Variants in CFAP47 observed in about 807,000 individuals in gnomAD.
CFAP47 encodes the protein cilia- and flagella-associated protein 47.
In CFAP47, 29 loss-of-function variants were observed where a neutral mutation model predicts 148.1. The observed-to-expected ratio is 0.20, with a 90% CI of 0.15 to 0.27. The LOEUF is 0.27. Ranked by LOEUF, CFAP47 falls within the 10% of genes least tolerant of loss-of-function variation. The probability of loss-of-function intolerance (pLI) is 1.00; values close to 1 mark genes in which losing one functional copy is unlikely to be tolerated. For synonymous variants in CFAP47, 664 were observed against 577.3 expected (o/e 1.15, Z -2.15); for missense variants, 1,872 against 1,697.5 (o/e 1.10, Z -1.81).
chrX:35,947,601 G>A (rs2146638675), intron 3 of CFAP47, among the ~76,000 whole-genome samples: 1 of 107,018 alleles, frequency 9.3e-6, no homozygotes, highest in East Asian at 3.2e-4. Context: ...GAGCAAATGT[G>A]GAGCAGAGTC....
chrX:36,292,448 A>G (rs1941202555), intron 51 of CFAP47, among the ~76,000 whole-genome samples: 1 of 112,021 alleles, frequency 8.9e-6, no homozygotes, highest in Admixed American at 9.5e-5. Flanking sequence ...TAAAATTAAA[A>G]TTGAAGATTT....
chrX:36,280,716 G>C (rs191116180), intron 50 of CFAP47, 86 bp downstream of exon 50: 47 of 355,632 alleles, frequency 1.3e-4, no homozygotes, highest in Non-Finnish European at 7.8e-5. Flanking sequence ...TAGTTTACAC[G>C]CATAATACAT....
In CFAP47 at chrX:35,953,631, C is replaced by T. The variant is rs1367895733; in HGVS notation, c.1086C>T (p.Tyr362=). Residue 362 remains tyrosine, a synonymous_variant, in exon 7 of 64, where the codon TAC becomes TAT. Transcript: ENST00000378653. ...AVGKKDIGPS[Y]RQDYALFLRF... The stretch of plus-strand genomic sequence containing the variant: ...GTAAAAAGGATATTGGACCTTCATA[C>T]AGACAGGACTATGCTCTCTTTTTGA... The T allele has an allele frequency of 1.7e-6, 2 of 1,193,181 alleles. No homozygotes were observed. Among genetic ancestry groups the T allele is most frequent in the Non-Finnish European group, 1.1e-6 (1 of 883,956 alleles).
intron 37 of CFAP47, among the ~76,000 whole-genome samples, chrX:36,157,358 T>C (rs1409814839): frequency 8.9e-6 from 1 of 112,469 alleles, no homozygotes; most frequent in Admixed American, 9.4e-5. Flanking sequence ...CAGCTTGCTC[T>C]TGGCTATATT....
chrX:36,125,014 G>C (rs531764534), intron 33 of CFAP47, among the ~76,000 whole-genome samples: 27 of 111,338 alleles, frequency 2.4e-4, no homozygotes, highest in African/African-American at 8.1e-4. Flanking sequence ...TCAGTAAATA[G>C]AGCTAGATCA....
rs190628910 is a variant in CFAP47 at position 36,285,099 on chromosome X, G to C, written c.7589-530G>C. Among the ~76,000 whole-genome samples the C allele has an allele frequency of 1.3e-3, 142 of 111,169 alleles. 1 individual carries two copies. Among genetic ancestry groups the C allele is most frequent in the African/African-American group, 4.3e-3 (131 of 30,719 alleles). The stretch of plus-strand genomic sequence containing the variant: ...ATAAAAATAATTGTCTCACGACTTA[G>C]TCTATGTCCCTTTCAGAATTTCCTT... On this transcript the variant is annotated intron_variant, in intron 50 of 63. Coordinates refer to ENST00000378653, the MANE Select transcript of CFAP47 (RefSeq NM_001304548.2).
intron 57 of CFAP47, among the ~76,000 whole-genome samples, chrX:36,346,832 A>G (rs1556016641): frequency 3.6e-5 from 4 of 111,686 alleles, no homozygotes; most frequent in African/African-American, 1.3e-4. Context: ...GACCATAAAA[A>G]TCCTAGAAGA....
chrX:35,989,145 G>T (rs1274572848), intron 15 of CFAP47, among the ~76,000 whole-genome samples, 174 bp from the exon 16 acceptor site: 2 of 111,703 alleles, frequency 1.8e-5, no homozygotes, highest in Non-Finnish European at 3.8e-5. Context: ...AACCCTATAG[G>T]TCAATACTCA....
intron 26 of CFAP47, among the ~76,000 whole-genome samples, chrX:36,064,579 ACTTTCATCCTATTCTATATTT>A (rs1937621237): frequency 9.0e-6 from 1 of 111,698 alleles, no homozygotes; most frequent in African/African-American, 3.2e-5. Context: ...ACATTTTTTT[ACTTTCATCCTATTCTATATTT>A]ACTTACAGTT....
intron 8 of CFAP47, among the ~76,000 whole-genome samples, chrX:35,964,795 C>T (rs1936379174): frequency 9.0e-6 from 1 of 111,619 alleles, no homozygotes; most frequent in South Asian, 3.6e-4. Flanking sequence ...AATTCCAGAA[C>T]ATTTATTTGT....
At chrX:36,113,955 G>A (rs771446628) in intron 33 of CFAP47, among the ~76,000 whole-genome samples, 1 of 108,459 alleles carries the variant, frequency 9.2e-6, no homozygotes, top group East Asian at 2.9e-4. Flanking sequence ...GACTATAGGC[G>A]CCCACCACCA....
intron 4 of CFAP47, among the ~76,000 whole-genome samples, chrX:35,949,611 C>G (rs1025618675): frequency 8.1e-5 from 9 of 111,547 alleles, no homozygotes; most frequent in Admixed American, 4.8e-4. Flanking sequence ...AATGGTTTTA[C>G]TTTTCAGATT....
At chrX:35,925,138 C>T (rs1001304211) in intron 1 of CFAP47, among the ~76,000 whole-genome samples, 2 of 111,080 alleles carry the variant, frequency 1.8e-5, no homozygotes, top group African/African-American at 6.6e-5. Flanking sequence ...TTTGGGAGGC[C>T]GAGACAGGTG....
intron 39 of CFAP47, among the ~76,000 whole-genome samples, chrX:36,170,386 C>T (rs778292617): frequency 5.4e-5 from 6 of 110,570 alleles, no homozygotes; most frequent in East Asian, 2.9e-4. Flanking sequence ...CATGCTGGTG[C>T]GCTGCACCCA....
chrX:36,007,926 G>A (rs1307181767), intron 21 of CFAP47, among the ~76,000 whole-genome samples: 3 of 111,136 alleles, frequency 2.7e-5, no homozygotes, highest in African/African-American at 9.8e-5. Flanking sequence ...GAATTATCTC[G>A]ATAATTACCA....
chrX:35,951,227 G>C lies in CFAP47; in HGVS notation c.753G>C (p.Arg251Ser). 1 of 1,208,725 alleles carries C rather than the reference G, an allele frequency of 8.3e-7. No individual in the cohort carries two copies. Among genetic ancestry groups the C allele is most frequent in the African/African-American group, 1.7e-5 (1 of 57,623 alleles). The change falls in exon 5 of 64, where the codon AGG becomes AGC. Residue 251 changes from arginine (R) to serine (S), a missense_variant. Transcript: ENST00000378653. Reference sequence around the variant, plus strand: ...TATTAAGCATGAGTAGTGACAGAAGGCTGGAATGCATACACTTTGGTCCTG... The same window carrying C: ...TATTAAGCATGAGTAGTGACAGAAGCCTGGAATGCATACACTTTGGTCCTG... Reference protein sequence around the residue: ...IELLSMSSDRRLECIHFGPVF... With the variant: ...IELLSMSSDRSLECIHFGPVF...
Position 36,371,836 on chromosome X carries a change from GTA to G in CFAP47, c.9185+4713_9185+4714del, listed in dbSNP as rs1404866034. Among the ~76,000 whole-genome samples the G allele has an allele frequency of 7.6e-4, 42 of 55,406 alleles. 2 individuals are homozygous for G. The highest frequency in any genetic ancestry group is 1.0e-3 in the South Asian group (1 of 966). 48.1% of individuals were successfully genotyped at this position (55,406 alleles called of 115,157 possible). ...TATGTGTGCATATACACACATGTGT[GTA>G]TATGTGTGTATATATGTGTGCATAT... On this transcript the variant is annotated intron_variant, in intron 62 of 63. Transcript: ENST00000378653.
At chrX:36,097,477 A>G (rs1032375552) in intron 30 of CFAP47, among the ~76,000 whole-genome samples, 6 of 111,065 alleles carry the variant, frequency 5.4e-5, no homozygotes, top group African/African-American at 2.0e-4. Context: ...TTACTTTTTC[A>G]TATTTGAAGG....
chrX:36,247,675 A>G (rs1379118191), intron 48 of CFAP47, among the ~76,000 whole-genome samples: 2 of 111,066 alleles, frequency 1.8e-5, no homozygotes, highest in Non-Finnish European at 3.8e-5. Flanking sequence ...AAAATAGAGT[A>G]AAATATACGA....
Sources: allele counts gnomAD v4.1 joint callset (sites outside exome capture counted in the v4.1 genomes callset), GRCh38; gene constraint gnomAD v4.1.1; transcripts MANE v1.5; gene names NCBI Gene and HGNC (gene_info 2026-07-23, HGNC 2026-07-21).